Variants in CPEB1 observed in about 807,000 individuals in gnomAD.
The protein encoded by CPEB1 is cytoplasmic polyadenylation element-binding protein 1.
A neutral mutation model predicts 65.8 loss-of-function variants in CPEB1; 7 were observed. That is an observed-to-expected ratio of 0.11 (90% CI 0.06 to 0.20). The LOEUF is 0.20. Among genes scored for constraint, CPEB1 ranks in the 10% least tolerant of loss-of-function variants. The probability of loss-of-function intolerance (pLI) is 1.00; values close to 1 mark genes in which losing one functional copy is unlikely to be tolerated. For synonymous variants in CPEB1, 262 were observed against 260.0 expected (o/e 1.01, Z -0.08); for missense variants, 551 against 712.2 (o/e 0.77, Z 2.58).
chr15:82,571,442 T>C lies in CPEB1; in HGVS notation c.362A>G (p.Asp121Gly). Reference sequence around the variant, plus strand: ...GAGGGACTGCAGGCCAAGGCACAAGTCATTTGCATCTGGGAGGCCACGGGA... The same window carrying C: ...GAGGGACTGCAGGCCAAGGCACAAGCCATTTGCATCTGGGAGGCCACGGGA... ...ESSRGLPDANDLCLGLQSLSL... is the reference protein window; with the variant it reads ...ESSRGLPDANGLCLGLQSLSL... The change falls in exon 4 of 13, where the codon GAC becomes GGC. Residue 121 changes from aspartate (D) to glycine (G), a missense_variant. Physicochemically the swap from Asp to Gly is moderately conservative, Grantham distance 94. Around this residue, in one of 6 missense-constraint regions of CPEB1, gnomAD observed 223 missense variants for 228.6 expected, o/e 0.98. Transcript: ENST00000684509. The C allele has an allele frequency of 6.2e-7, 1 of 1,614,072 alleles. No homozygotes were observed. The highest frequency in any genetic ancestry group is 8.5e-7 in the Non-Finnish European group (1 of 1,179,996).
At chr15:82,578,123 G>C (rs2040869903) in intron 3 of CPEB1, among the ~76,000 whole-genome samples, 1 of 151,758 alleles carries the variant, frequency 6.6e-6, no homozygotes, top group South Asian at 2.1e-4. Context: ...CTGGGCAACA[G>C]AGCGAGACTC....
intron 1 of CPEB1, among the ~76,000 whole-genome samples, chr15:82,645,718 A>G (rs1437643504): frequency 2.0e-5 from 3 of 151,902 alleles, no homozygotes; most frequent in African/African-American, 7.2e-5. Flanking sequence ...AAATACAAAA[A>G]TCAGCCGCGC....
chr15:82,604,925 CAA>C (rs1210515896), intron 3 of CPEB1, among the ~76,000 whole-genome samples: 2 of 152,036 alleles, frequency 1.3e-5, no homozygotes, highest in African/African-American at 4.8e-5. Context: ...AGGATAAGCT[CAA>C]AGAGACCTAC....
upstream of CPEB1, chr15:82,647,943 G>T (rs988082781): frequency 2.9e-5 from 34 of 1,178,268 alleles, no homozygotes; most frequent in Non-Finnish European, 3.5e-5. Context: ...CACGCACGTG[G>T]GCACTATTTT....
At chr15:82,608,429 C>T (rs1429239052) in intron 3 of CPEB1, among the ~76,000 whole-genome samples, 2 of 152,158 alleles carry the variant, frequency 1.3e-5, no homozygotes. Context: ...GCTTGAGCTC[C>T]AACTGTTTTG....
At chr15:82,615,308 C>G (rs1356383959) in intron 3 of CPEB1, among the ~76,000 whole-genome samples, 4 of 152,204 alleles carry the variant, frequency 2.6e-5, no homozygotes, top group African/African-American at 9.7e-5. Context: ...CTTGCTTCAT[C>G]TCACAGATTG....
chr15:82,641,441 A>G (rs1348594748), intron 1 of CPEB1, among the ~76,000 whole-genome samples: 2 of 152,208 alleles, frequency 1.3e-5, no homozygotes, highest in African/African-American at 4.8e-5. Context: ...CCAACAGAGG[A>G]GAGCTACTCC....
intron 3 of CPEB1, among the ~76,000 whole-genome samples, chr15:82,586,750 C>G (rs2041836686): frequency 6.6e-6 from 1 of 152,208 alleles, no homozygotes; most frequent in African/African-American, 2.4e-5. Flanking sequence ...ACATACAGTG[C>G]ACATACACTC....
intron 3 of CPEB1, among the ~76,000 whole-genome samples, chr15:82,611,712 AG>A (rs2151247501): frequency 6.6e-6 from 1 of 152,198 alleles, no homozygotes; most frequent in African/African-American, 2.4e-5. Flanking sequence ...CTCAAAAAAA[AG>A]AAAACCCCAA....
intron 3 of CPEB1, among the ~76,000 whole-genome samples, chr15:82,591,598 GCT>G (rs2042257563): frequency 6.6e-6 from 1 of 151,910 alleles, no homozygotes; most frequent in Non-Finnish European, 1.5e-5. Context: ...CAGTTATAAA[GCT>G]TTTTTCATAT....
At chr15:82,546,973 G>A (rs1156283152) in intron 11 of CPEB1, among the ~76,000 whole-genome samples, 170 bp downstream of exon 11, 3 of 152,160 alleles carry the variant, frequency 2.0e-5, no homozygotes, top group Non-Finnish European at 2.9e-5. Flanking sequence ...GGCGTACAAA[G>A]ACCAAGCCCA....
At chr15:82,562,338 A>C (rs2038370774) in intron 4 of CPEB1, 2 of 380,104 alleles carry the variant, frequency 5.3e-6, no homozygotes, top group Non-Finnish European at 1.0e-5. Flanking sequence ...TTGCCACTAC[A>C]GGAACTCATT....
chr15:82,553,912 C>T lies in CPEB1; in HGVS notation c.1020G>A (p.Val340=), dbSNP rs1332097021. ...TATCCCAAGGAACACCTCCTAGAAACACCTTGCAAGAGTAGATGGGGTTCT... is the reference window on the plus strand; with the variant it reads ...TATCCCAAGGAACACCTCCTAGAAATACCTTGCAAGAGTAGATGGGGTTCT... ...NYKNPIYSCK[V]FLGGVPWDIT... Residue 340 remains valine, a synonymous_variant, in exon 7 of 13, where the codon GTG becomes GTA. Transcript: ENST00000684509. The T allele has an allele frequency of 6.2e-7, 1 of 1,612,968 alleles. No homozygotes were observed. Among genetic ancestry groups the T allele is most frequent in the South Asian group, 1.1e-5 (1 of 90,938 alleles).
intron 3 of CPEB1, among the ~76,000 whole-genome samples, chr15:82,619,317 A>G (rs2045072947): frequency 6.6e-6 from 1 of 152,234 alleles, no homozygotes; most frequent in African/African-American, 2.4e-5. Flanking sequence ...TTGCAAATCT[A>G]AGTGTGAAAG....
intron 3 of CPEB1, among the ~76,000 whole-genome samples, chr15:82,616,904 A>G (rs182079137): frequency 2.6e-5 from 4 of 152,142 alleles, no homozygotes; most frequent in African/African-American, 9.7e-5. Context: ...GTAGAATTTG[A>G]TATGTTTCAA....
rs1388651707 is a variant in CPEB1, at chr15:82,543,714, A to AC, written c.*877dup. 1.1e-4 allele frequency: 17 copies of AC among 150,188 alleles called. No homozygotes were observed. Among genetic ancestry groups the AC allele is most frequent in the Admixed American group, 2.0e-4 (3 of 15,048 alleles). 9.3% of individuals were successfully genotyped at this position (150,188 alleles called of 1,614,324 possible). A position where few individuals can be genotyped will look rare whatever the true frequency, so the allele number is the denominator to read the frequency against. The stretch of plus-strand genomic sequence containing the variant: ...GTGATTAAAAACTTCTATCAACCCC[A>AC]CCCCCCCACATAAGTGCAACTTAAG... On this transcript the variant is annotated 3_prime_UTR_variant, in exon 13 of 13. Transcript: ENST00000684509.
chr15:82,562,369 A>C, intron 4 of CPEB1: 1 of 331,810 alleles, frequency 3.0e-6, no homozygotes, highest in Non-Finnish European at 5.9e-6. Context: ...TTTGGGTCCC[A>C]CCCCAGACCT....
intron 3 of CPEB1, among the ~76,000 whole-genome samples, chr15:82,595,471 T>C (rs1355610349): frequency 6.6e-6 from 1 of 152,228 alleles, no homozygotes; most frequent in Non-Finnish European, 1.5e-5. Context: ...GCCTTTTTGC[T>C]ACAGGCATCC....
intron 1 of CPEB1, among the ~76,000 whole-genome samples, chr15:82,639,155 A>G (rs1352525949): frequency 1.3e-5 from 2 of 152,224 alleles, no homozygotes; most frequent in Non-Finnish European, 2.9e-5. Flanking sequence ...AATAGCATAT[A>G]AAACCCTTCA....
Sources: gnomAD v4.1 joint callset for allele counts (sites outside exome capture counted in the v4.1 genomes callset) on GRCh38, gnomAD v4.1.1 for gene constraint, gnomAD v4.1.1 regional missense constraint, MANE v1.5 for transcripts, NCBI Gene and HGNC (gene_info 2026-07-23, HGNC 2026-07-21) for gene names.